Variants in XAF1 observed in about 807,000 individuals in gnomAD.
XAF1 encodes XIAP-associated factor 1.
XAF1 carries 32 observed loss-of-function variants against 32.3 expected under a neutral mutation model. The ratio of observed to expected loss-of-function variants is 0.99; its 90% CI spans 0.75 to 1.33. The LOEUF (loss-of-function observed/expected upper bound fraction) is 1.33. Ranked by LOEUF, XAF1 falls within the 40% of genes most tolerant of loss-of-function variation. The probability of loss-of-function intolerance (pLI) is 0.00; values close to 1 mark genes in which losing one functional copy is unlikely to be tolerated. For missense variants in XAF1, 379 were observed against 366.0 expected, an observed-to-expected ratio of 1.04 and a Z score of -0.29; for synonymous variants, 120 against 125.9, an observed-to-expected ratio of 0.95 and a Z score of 0.31.
chr17:6,760,121 G>A (rs1159827621), intron 3 of XAF1, among the ~76,000 whole-genome samples: 15 of 151,962 alleles, frequency 9.9e-5, no homozygotes, highest in Admixed American at 5.2e-4. Flanking sequence ...AGGCCAAGGC[G>A]GGTGGATCAC....
intron 2 of XAF1, chr17:6,759,417 T>G: frequency 7.2e-7 from 1 of 1,382,722 alleles, no homozygotes; most frequent in Non-Finnish European, 9.3e-7. Context: ...GGGCCCCTGA[T>G]CTGTCTCTCT....
chr17:6,759,595 G>C (rs3752860), intron 2 of XAF1, 67 bp from the exon 3 acceptor site: 2 of 1,603,870 alleles, frequency 1.2e-6, no homozygotes, highest in East Asian at 4.5e-5. Flanking sequence ...AGTGGATGTG[G>C]GGCAGGCCCT....
chr17:6,769,119 A>C lies in XAF1; in HGVS notation c.508-1524A>C, dbSNP rs139494065. Among the ~76,000 whole-genome samples the C allele has an allele frequency of 2.1e-3, 306 of 144,602 alleles. 2 individuals carry two copies. Among genetic ancestry groups the C allele is most frequent in the Middle Eastern group, 0.015 (4 of 272 alleles). The allele number at this position is 144,602 out of a possible 152,430, so 94.9% of individuals were successfully genotyped here. On this transcript the variant is annotated intron_variant, in intron 5 of 6. Coordinates refer to ENST00000361842, the MANE Select transcript of XAF1 (RefSeq NM_017523.5). ...TCTCTTAACCTTTCATATTTTCTCT[A>C]TTTCTATCTCTTATATTCTGGGTAA...
Position 6,770,634 on chromosome 17 carries a change from C to A in XAF1, c.508-9C>A. ...ATTTTAAAATTTGATATATTATTCACAATTGCAGGGTAAATGTTGTCCAGA... is the reference window on the plus strand; with the variant it reads ...ATTTTAAAATTTGATATATTATTCAAAATTGCAGGGTAAATGTTGTCCAGA... On this transcript the variant is annotated splice_polypyrimidine_tract_variant and intron_variant, in intron 5 of 6. Transcript: ENST00000361842. The A allele has an allele frequency of 6.4e-7, 1 of 1,559,488 alleles. No individual in the cohort carries two copies. The highest frequency in any genetic ancestry group is 8.6e-7 in the Non-Finnish European group (1 of 1,157,710).
chr17:6,757,960 G>C (rs978548413), intron 1 of XAF1, 129 bp from the exon 2 acceptor site: 10 of 1,254,768 alleles, frequency 8.0e-6, no homozygotes, highest in Non-Finnish European at 1.0e-5. Flanking sequence ...TGGGGCAGGT[G>C]GTGTCATCAT....
intron 4 of XAF1, among the ~76,000 whole-genome samples, 168 bp downstream of exon 4, chr17:6,760,769 T>C (rs1007116879): frequency 4.6e-5 from 7 of 152,232 alleles, no homozygotes; most frequent in Non-Finnish European, 1.0e-4. Flanking sequence ...CAGAGTGGCC[T>C]TCCTGTGTGT....
chr17:6,773,966 T>C lies in XAF1; in HGVS notation c.*797T>C, dbSNP rs532547544. On this transcript the variant is annotated 3_prime_UTR_variant, in exon 7 of 7. Transcript: ENST00000361842. ...AGAATCAATATTGTTAAAATGGCCA[T>C]ACTACCCAAAGCAATTTATAGATTC... is the stretch of plus-strand genomic sequence containing the variant. 2 of 152,068 alleles carry C rather than the reference T, an allele frequency of 1.3e-5. No homozygotes were observed. The highest frequency in any genetic ancestry group is 2.9e-5 in the Non-Finnish European group (2 of 68,008). The allele number at this position is 152,068 out of a possible 1,614,324, so 9.4% of individuals were successfully genotyped here. A position where few individuals can be genotyped will look rare whatever the true frequency, so the allele number is the denominator to read the frequency against.
chr17:6,760,511 C>T lies in XAF1; in HGVS notation c.331C>T (p.Leu111Phe). The T allele has an allele frequency of 6.2e-7, 1 of 1,613,696 alleles. No homozygotes were observed. The highest frequency in any genetic ancestry group is 8.5e-7 in the Non-Finnish European group (1 of 1,179,926). Residue 111 changes from leucine (L) to phenylalanine (F), a missense_variant, in exon 4 of 7, where the codon CTC (leucine) becomes TTC (phenylalanine). By Grantham distance (22) the Leu-to-Phe change is conservative. Transcript: ENST00000361842. Reference protein sequence around the residue: ...HESYCGSRTELCQGCGQFIMH... With the variant: ...HESYCGSRTEFCQGCGQFIMH... The stretch of plus-strand genomic sequence containing the variant: ...GTCCTACTGTGGCAGCCGGACAGAG[C>T]TCTGCCAAGGCTGTGGCCAGTTCAT...
rs35682891 is a variant in XAF1 at position 6,775,068 on chromosome 17, A to G, written c.*1899A>G. 6,147 of 152,112 alleles carry G rather than the reference A, an allele frequency of 0.04. 180 individuals are homozygous for G. The highest frequency in any genetic ancestry group is 0.063 in the Non-Finnish European group (4,307 of 68,014). 9.4% of individuals were successfully genotyped at this position (152,112 alleles called of 1,614,324 possible). ...AAAAAAAAAAAAGAAAATGTGGCAC[A>G]TATACACCATGGAATACTATGCAGC... On this transcript the variant is annotated 3_prime_UTR_variant, in exon 7 of 7. Transcript: ENST00000361842.
upstream of XAF1, chr17:6,755,898 A>G (rs1974614983): frequency 7.0e-7 from 1 of 1,427,234 alleles, no homozygotes; most frequent in Non-Finnish European, 9.2e-7. Flanking sequence ...GGGGCTGGCC[A>G]TGCTGTAAAG....
At chr17:6,771,920 A>G (rs1261287353) in intron 6 of XAF1, 3 of 152,160 alleles carry the variant, frequency 2.0e-5, no homozygotes, top group African/African-American at 7.2e-5. Flanking sequence ...TACAAGCCTA[A>G]ACAAGCATAT....
chr17:6,759,498 G>T, intron 2 of XAF1, 164 bp from the exon 3 acceptor site: 1 of 1,454,288 alleles, frequency 6.9e-7, no homozygotes, highest in South Asian at 1.4e-5. Flanking sequence ...AACACTGGGC[G>T]GGGTGCTAGA....
At chr17:6,764,774 T>C (rs1266212244) in intron 5 of XAF1, among the ~76,000 whole-genome samples, 2 of 152,202 alleles carry the variant, frequency 1.3e-5, no homozygotes, top group Middle Eastern at 3.2e-3. Flanking sequence ...AGTAACTGCC[T>C]CCATCTTTTC....
At chr17:6,761,026 C>T (rs984052541) in intron 4 of XAF1, among the ~76,000 whole-genome samples, 6 of 152,058 alleles carry the variant, frequency 3.9e-5, no homozygotes, top group African/African-American at 9.7e-5. Flanking sequence ...TGGTGGCGGA[C>T]GCCTGTAGTC....
In XAF1 at chr17:6,763,620, CACATTTTGTTTCTCTACTTGTTGGTAA is replaced by C. The variant is rs565266685; in HGVS notation, c.507+1386_507+1412del. On this transcript the variant is annotated intron_variant, in intron 5 of 6. Transcript: ENST00000361842. ...GTTAATGGCCTTTTTACGGTCATCCCACATTTTGTTTCTCTACTTGTTGGTAAACATTCGGATTGTTTCCACCTTTCA... is the reference window on the plus strand; with the variant it reads ...GTTAATGGCCTTTTTACGGTCATCCCACATTCGGATTGTTTCCACCTTTCA... Among the ~76,000 whole-genome samples the C allele has an allele frequency of 6.6e-3, 1,002 of 152,258 alleles. 11 individuals carry two copies. The highest frequency in any genetic ancestry group is 0.023 in the African/African-American group (949 of 41,556).
chr17:6,766,283 C>T (rs1321369951), intron 5 of XAF1, among the ~76,000 whole-genome samples: 1 of 152,114 alleles, frequency 6.6e-6, no homozygotes, highest in African/African-American at 2.4e-5. Context: ...AATTTACTTA[C>T]TTATTATGGC....
intron 5 of XAF1, among the ~76,000 whole-genome samples, chr17:6,762,681 A>C (rs1975313069): frequency 6.6e-6 from 1 of 152,250 alleles, no homozygotes; most frequent in Admixed American, 6.5e-5. Flanking sequence ...GTAGAGGCGC[A>C]GTTACGTGAT....
chr17:6,771,903 T>C (rs1445550553), intron 6 of XAF1: 1 of 152,204 alleles, frequency 6.6e-6, no homozygotes, highest in East Asian at 1.9e-4. Context: ...AGCTCTACCT[T>C]TGCATATACA....
chr17:6,759,590 A>G, intron 2 of XAF1, 72 bp from the exon 3 acceptor site: 1 of 1,602,196 alleles, frequency 6.2e-7, no homozygotes. Context: ...GCCAAAGTGG[A>G]TGTGGGGCAG....
Sources: allele counts gnomAD v4.1 joint callset (sites outside exome capture counted in the v4.1 genomes callset), GRCh38; gene constraint gnomAD v4.1.1; transcripts MANE v1.5; gene names NCBI Gene and HGNC (gene_info 2026-07-23, HGNC 2026-07-21).